The following ST3GAL3 variants were observed in gnomAD, a reference collection of about 807,000 sequenced individuals.
ST3GAL3 encodes ST3 beta-galactoside alpha-2,3-sialyltransferase 3, also known as CMP-N-acetylneuraminate-beta-1,4-galactoside alpha-2,3-sialyltransferase.
ST3GAL3 carries 21 observed loss-of-function variants against 50.1 expected under a neutral mutation model. The observed-to-expected ratio is 0.42, with a 90% confidence interval of 0.30 to 0.60. The LOEUF is 0.60. Among genes scored for constraint, ST3GAL3 ranks in the 20% least tolerant of loss-of-function variants. The pLI is 0.19. For synonymous variants in ST3GAL3, 183 were observed against 190.0 expected, an observed-to-expected ratio of 0.96 and a Z score of 0.30; for missense variants, 353 against 489.4, an observed-to-expected ratio of 0.72 and a Z score of 2.63.
At chr1:43,824,114 A>G (rs571391069) in intron 4 of ST3GAL3, among the ~76,000 whole-genome samples, 1 of 152,354 alleles carries the variant, frequency 6.6e-6, no homozygotes, top group African/African-American at 2.4e-5. Flanking sequence ...TATTTGTTCA[A>G]TCAATCGAGG....
In ST3GAL3 at chr1:43,900,556, G is replaced by A. The variant is rs186624673; in HGVS notation, c.744+829G>A. On this transcript the variant is annotated intron_variant, in intron 9 of 11. Coordinates refer to ENST00000347631, the MANE Select transcript of ST3GAL3 (RefSeq NM_006279.5). ...ACCAGCTGTCACCAGCAGCCCCAGG[G>A]GTGGGGTACTGCAGAGCTCAGGCCA... Among the ~76,000 whole-genome samples, 227 of 152,244 alleles carry A rather than the reference G, an allele frequency of 1.5e-3. 1 individual carries two copies. Among genetic ancestry groups the A allele is most frequent in the African/African-American group, 5.3e-3 (222 of 41,526 alleles).
intron 1 of ST3GAL3, among the ~76,000 whole-genome samples, chr1:43,734,310 T>G (rs1215382905): frequency 3.4e-5 from 2 of 58,382 alleles, no homozygotes; most frequent in Admixed American, 1.4e-4. Flanking sequence ...TTTTTTTTGT[T>G]TTTTTTTTTT....
At chr1:43,755,351 G>A (rs1687653473) in intron 2 of ST3GAL3, among the ~76,000 whole-genome samples, 1 of 152,210 alleles carries the variant, frequency 6.6e-6, no homozygotes, top group South Asian at 2.1e-4. Flanking sequence ...GCTAGATAAT[G>A]TCACGTGTTG....
chr1:43,882,320 G>A (rs975940117), intron 5 of ST3GAL3, among the ~76,000 whole-genome samples: 3 of 152,176 alleles, frequency 2.0e-5, no homozygotes, highest in Non-Finnish European at 2.9e-5. Context: ...ATAGTTGTAC[G>A]GGGCTAAAGC....
chr1:43,848,657 G>A (rs951943056), intron 5 of ST3GAL3, among the ~76,000 whole-genome samples: 6 of 152,222 alleles, frequency 3.9e-5, no homozygotes, highest in Middle Eastern at 3.4e-3. Flanking sequence ...CCTCAGATCT[G>A]TAGGTTCATA....
chr1:43,826,537 A>G (rs1039059835), intron 4 of ST3GAL3, among the ~76,000 whole-genome samples: 2 of 152,222 alleles, frequency 1.3e-5, no homozygotes, highest in African/African-American at 2.4e-5. Flanking sequence ...GTTCTCTACA[A>G]TGTCTTCCAG....
intron 3 of ST3GAL3, among the ~76,000 whole-genome samples, chr1:43,810,352 T>TA (rs2060414854): frequency 6.6e-6 from 1 of 151,972 alleles, no homozygotes; most frequent in Admixed American, 6.6e-5. Context: ...AAAAGCCTCG[T>TA]AGGGTCTGCC....
rs1435966527 is a variant in ST3GAL3, at chr1:43,910,594, C to T, written c.745-9810C>T. On this transcript the variant is annotated intron_variant, in intron 9 of 11. Transcript: ENST00000347631. ...CCTGCCCACTGGGCAGAAACCCAGA[C>T]CACAGGATAAGGAGTGAGAGTGTTG... Among the ~76,000 whole-genome samples, 3 of 152,196 alleles carry T rather than the reference C, an allele frequency of 2.0e-5. No homozygotes were observed. In the South Asian group the frequency reaches 6.2e-4, roughly 31 times the overall value.
intron 5 of ST3GAL3, among the ~76,000 whole-genome samples, chr1:43,842,969 C>T (rs2065655694): frequency 6.8e-6 from 1 of 147,496 alleles, no homozygotes; most frequent in African/African-American, 2.5e-5. Flanking sequence ...CTAGTCTATT[C>T]TGTTGATTTA....
chr1:43,717,669 T>C (rs1375634343), intron 1 of ST3GAL3, among the ~76,000 whole-genome samples: 1 of 151,750 alleles, frequency 6.6e-6, no homozygotes, highest in Non-Finnish European at 1.5e-5. Flanking sequence ...CGGTAATTTT[T>C]TTTTCTTTTG....
At chr1:43,805,983 C>G (rs1573231760) in intron 3 of ST3GAL3, among the ~76,000 whole-genome samples, 1 of 152,272 alleles carries the variant, frequency 6.6e-6, no homozygotes, top group South Asian at 2.1e-4. Context: ...ATCCGCCCAC[C>G]TTGGCCTCCC....
At position 43,899,418 on chromosome 1, in the gene ST3GAL3, G is replaced by T; in HGVS notation, c.558-123G>T. ...GGGCTTTGGAACAGACAACTAGCGGGGGCACCTGGGGAGAATAGGTCCAGG... is the reference window on the plus strand; with the variant it reads ...GGGCTTTGGAACAGACAACTAGCGGTGGCACCTGGGGAGAATAGGTCCAGG... On this transcript the variant is annotated intron_variant, in intron 8 of 11. Coordinates refer to ENST00000347631, the MANE Select transcript of ST3GAL3 (RefSeq NM_006279.5). The surrounding 1 kb of genome is among the most constrained non-coding windows in gnomAD (Gnocchi z 5.4). 1 of 1,572,806 alleles carries T rather than the reference G, an allele frequency of 6.4e-7. No individual in the cohort carries two copies. Among genetic ancestry groups the T allele is most frequent in the East Asian group, 2.3e-5 (1 of 43,420 alleles).
rs540990988 is a variant in ST3GAL3 at position 43,833,056 on chromosome 1, C to T, written c.210-5163C>T. 3.3e-5 allele frequency among the ~76,000 whole-genome samples: 5 copies of T among 152,234 alleles called. No homozygotes were observed. The South Asian group carries it at 1.0e-3, about 32-fold the overall frequency. On this transcript the variant is annotated intron_variant, in intron 4 of 11. Transcript: ENST00000347631. ...CTTTAAACTAAATTAGCACATGAAACGAGGGAGCAGGCATGGTAGGGGCTG... is the reference window on the plus strand; with the variant it reads ...CTTTAAACTAAATTAGCACATGAAATGAGGGAGCAGGCATGGTAGGGGCTG...
intron 1 of ST3GAL3, among the ~76,000 whole-genome samples, chr1:43,729,569 C>T (rs1674681388): frequency 6.6e-6 from 1 of 152,190 alleles, no homozygotes; most frequent in Non-Finnish European, 1.5e-5. Context: ...ACCTAGACCC[C>T]TCACATGGAC....
chr1:43,926,585 A>G (rs186070580), intron 11 of ST3GAL3, among the ~76,000 whole-genome samples: 1 of 145,946 alleles, frequency 6.9e-6, no homozygotes, highest in Non-Finnish European at 1.5e-5. Context: ...AGCCTCGGCA[A>G]CAAGAGTGAA....
intron 9 of ST3GAL3, among the ~76,000 whole-genome samples, chr1:43,904,996 T>C (rs1418028307): frequency 3.0e-4 from 22 of 74,282 alleles, no homozygotes; most frequent in East Asian, 4.5e-4. Context: ...CTCTTCCCCC[T>C]CCTCCTGCTC....
intron 5 of ST3GAL3, among the ~76,000 whole-genome samples, chr1:43,861,754 C>A (rs2069985634): frequency 6.6e-6 from 1 of 152,200 alleles, no homozygotes; most frequent in Non-Finnish European, 1.5e-5. Flanking sequence ...TTTGGCCGGG[C>A]ACAGTGGCTC....
intron 2 of ST3GAL3, among the ~76,000 whole-genome samples, chr1:43,785,566 G>A (rs1011277025): frequency 3.9e-5 from 6 of 152,202 alleles, no homozygotes; most frequent in Non-Finnish European, 8.8e-5. Flanking sequence ...ACAGAGACTG[G>A]AACAGGGAGA....
intron 2 of ST3GAL3, among the ~76,000 whole-genome samples, chr1:43,750,705 T>C (rs6668616): frequency 0.36 from 55,018 of 151,108 alleles, 11,114 homozygotes; most frequent in African/African-American, 0.55. Context: ...GCCTAGGCAA[T>C]ATTGGAAGAC....
Sources: allele counts gnomAD v4.1 joint callset (sites outside exome capture counted in the v4.1 genomes callset), GRCh38; gene constraint gnomAD v4.1.1; non-coding constraint Gnocchi (gnomAD v3.1); transcripts MANE v1.5; gene names NCBI Gene and HGNC (gene_info 2026-07-23, HGNC 2026-07-21).